The following ESR1 variants were observed in gnomAD, a reference collection of about 807,000 sequenced individuals.
ESR1 encodes the protein estrogen receptor 1.
Under a neutral mutation model 52.7 loss-of-function variants are expected in ESR1, and 12 were observed. The ratio of observed to expected loss-of-function variants is 0.23; its 90% CI spans 0.15 to 0.37. The LOEUF (loss-of-function observed/expected upper bound fraction) is 0.37. Ranked by LOEUF, ESR1 falls within the 10% of genes least tolerant of loss-of-function variation. The pLI, the probability that ESR1 is intolerant of heterozygous loss-of-function variation, is 1.00. For missense variants in ESR1, 584 were observed against 779.7 expected (o/e 0.75, Z 2.99); for synonymous variants, 305 against 316.8 (o/e 0.96, Z 0.39).
chr6:151,859,816 T>A (rs527838899), intron 2 of ESR1, among the ~76,000 whole-genome samples: 1 of 152,174 alleles, frequency 6.6e-6, no homozygotes, highest in Non-Finnish European at 1.5e-5. Flanking sequence ...TGTGAAATCA[T>A]TGTGAGCCAA....
At chr6:151,758,833 C>T (rs1342180086) in intron 2 of ESR1, among the ~76,000 whole-genome samples, 2 of 151,454 alleles carry the variant, frequency 1.3e-5, no homozygotes, top group Non-Finnish European at 2.9e-5. Flanking sequence ...CAGGGTCTCA[C>T]ACTGATTTGC....
chr6:152,019,812 T>G (rs2043474834), intron 5 of ESR1, among the ~76,000 whole-genome samples: 1 of 152,194 alleles, frequency 6.6e-6, no homozygotes, highest in South Asian at 2.1e-4. Context: ...TTTTAATGGA[T>G]GCCTCTAAAA....
At position 151,669,187 on chromosome 6, in the gene ESR1, AGATGGG is replaced by A. The variant is rs1160238900; in HGVS notation, n.73+12425_73+12430del. Among the ~76,000 whole-genome samples the A allele has an allele frequency of 4.3e-3, 464 of 107,170 alleles. 9 individuals carry two copies. Among genetic ancestry groups the A allele is most frequent in the Middle Eastern group, 0.013 (3 of 224 alleles). The allele number at this position is 107,170 out of a possible 152,430, so 70.3% of individuals were successfully genotyped here. A position where few individuals can be genotyped will look rare whatever the true frequency, so the allele number is the denominator to read the frequency against. ...GAGAGAGAGAGAGAGAGAGAGAGAG[AGATGGG>A]AATCCAGGGGAGAACAGAACAAGTG... On this transcript the variant is annotated intron_variant and non_coding_transcript_variant, in intron 1 of 2. Transcript: ENST00000473497.
At chr6:151,824,755 A>G (rs1360627995) in intron 1 of ESR1, among the ~76,000 whole-genome samples, 2 of 152,218 alleles carry the variant, frequency 1.3e-5, no homozygotes, top group East Asian at 3.9e-4. Flanking sequence ...CCTCATCTCT[A>G]CTAAAAATAC....
chr6:151,762,398 G>C (rs866188230), intron 2 of ESR1, among the ~76,000 whole-genome samples: 2 of 152,234 alleles, frequency 1.3e-5, no homozygotes, highest in Middle Eastern at 3.4e-3. Flanking sequence ...AGTTTTGCTG[G>C]TGTGCTGTTT....
intron 5 of ESR1, among the ~76,000 whole-genome samples, chr6:152,028,959 C>T (rs1213782308): frequency 6.6e-6 from 1 of 152,202 alleles, no homozygotes; most frequent in African/African-American, 2.4e-5. Context: ...GAGGAACGAT[C>T]AGGCAGCAAC....
In ESR1 at chr6:151,789,984, G is replaced by A. The variant is rs146581836; in HGVS notation, c.-70-17859G>A. On this transcript the variant is annotated intron_variant, in intron 2 of 2. Coordinates refer to the ESR1 transcript ENST00000404742. ...TGTGTTTGAGTCTGGAAGGTGTTGG[G>A]AGCTGCCCCCCCTCACTCAGGGCCT... Among the ~76,000 whole-genome samples the A allele has an allele frequency of 2.7e-3, 413 of 152,304 alleles. 1 individual carries two copies. Among genetic ancestry groups the A allele is most frequent in the Admixed American group, 5.9e-3 (90 of 15,296 alleles).
chr6:151,738,526 G>A (rs563011484), intron 2 of ESR1, among the ~76,000 whole-genome samples: 5 of 152,246 alleles, frequency 3.3e-5, no homozygotes, highest in South Asian at 2.1e-4. Context: ...ACCAATGCTC[G>A]CTATTTTTTG....
chr6:151,922,601 G>GT (rs1380187691), intron 3 of ESR1, among the ~76,000 whole-genome samples: 3 of 152,046 alleles, frequency 2.0e-5, no homozygotes, highest in Non-Finnish European at 4.4e-5. Context: ...TCATTGTAGG[G>GT]TTTTTTAAAA....
intron 3 of ESR1, among the ~76,000 whole-genome samples, chr6:151,930,076 T>A (rs939975046): frequency 6.6e-6 from 1 of 151,922 alleles, no homozygotes; most frequent in Non-Finnish European, 1.5e-5. Flanking sequence ...CTCTGCCTCC[T>A]GGGTTCAAGC....
At chr6:151,669,416 T>G (rs1777971580) in intron 1 of ESR1, among the ~76,000 whole-genome samples, 1 of 152,012 alleles carries the variant, frequency 6.6e-6, no homozygotes, top group African/African-American at 2.4e-5. Context: ...AATGATGTCC[T>G]CGAGAAACCT....
At chr6:151,909,618 C>T (rs954346233) in intron 3 of ESR1, among the ~76,000 whole-genome samples, 3 of 152,108 alleles carry the variant, frequency 2.0e-5, no homozygotes, top group African/African-American at 7.2e-5. Flanking sequence ...GGAGTCTGTT[C>T]CTGGAAGAAG....
intron 6 of ESR1, among the ~76,000 whole-genome samples, chr6:152,114,320 T>G (rs111388065): frequency 3.3e-5 from 5 of 152,326 alleles, no homozygotes; most frequent in African/African-American, 1.2e-4. Context: ...CAGGGTGACT[T>G]CTGGAGGCAG....
intron 3 of ESR1, among the ~76,000 whole-genome samples, chr6:151,911,191 A>G (rs1000851018): frequency 6.6e-5 from 10 of 152,096 alleles, no homozygotes; most frequent in African/African-American, 2.4e-4. Context: ...AAATATGTAC[A>G]TTTCTTGAGA....
Position 151,808,008 on chromosome 6 carries a change from G to T in ESR1, c.96G>T (p.Lys32Asn), listed in dbSNP as rs200924028. ...AGCCCCTGAACCGTCCGCAGCTCAA[G>T]ATCCCCCTGGAGCGGCCCCTGGGCG... ...ELEPLNRPQL[K>N]IPLERPLGEV... Residue 32 changes from lysine (K) to asparagine (N), a missense_variant, in exon 1 of 8, where the codon AAG (lysine) becomes AAT (asparagine). By Grantham distance (94) the Lys-to-Asn change is moderately conservative. Coordinates refer to ENST00000206249, the MANE Select transcript of ESR1 (RefSeq NM_000125.4). 28 of 1,613,780 alleles carry T rather than the reference G, an allele frequency of 1.7e-5. No individual in the cohort carries two copies. The highest frequency in any genetic ancestry group is 2.3e-5 in the Non-Finnish European group (27 of 1,179,972).
chr6:152,023,230 T>A (rs184022660), intron 5 of ESR1, among the ~76,000 whole-genome samples: 7 of 152,228 alleles, frequency 4.6e-5, no homozygotes, highest in African/African-American at 1.7e-4. Flanking sequence ...CTCTTTGAGG[T>A]ATTTGTCAGT....
chr6:151,680,989 G>A (rs972955860), intron 1 of ESR1, among the ~76,000 whole-genome samples: 1 of 152,104 alleles, frequency 6.6e-6, no homozygotes, highest in Non-Finnish European at 1.5e-5. Flanking sequence ...AGGACTTGAG[G>A]CTCTCCTGGC....
At chr6:151,719,386 A>C (rs923119995) in intron 2 of ESR1, among the ~76,000 whole-genome samples, 1 of 152,304 alleles carries the variant, frequency 6.6e-6, no homozygotes, top group East Asian at 1.9e-4. Flanking sequence ...AGCCTTCCTG[A>C]GAACATCTGA....
At chr6:151,703,150 C>A (rs925972363) in intron 2 of ESR1, among the ~76,000 whole-genome samples, 3 of 152,194 alleles carry the variant, frequency 2.0e-5, no homozygotes. Flanking sequence ...AATTGTAGAA[C>A]TGGCCTGTTT....
Sources: allele counts gnomAD v4.1 joint callset (sites outside exome capture counted in the v4.1 genomes callset), GRCh38; gene constraint gnomAD v4.1.1; transcripts MANE v1.5; gene names NCBI Gene and HGNC (gene_info 2026-07-23, HGNC 2026-07-21).